RNF152: variants seen among roughly 807,000 people sequenced by gnomAD.
The protein encoded by RNF152 is ring finger protein 152.
A neutral mutation model predicts 12.7 loss-of-function variants in RNF152; 11 were observed. That is an observed-to-expected ratio of 0.86 (90% CI 0.54 to 1.43). The LOEUF is 1.43. RNF152 is among the 40% of genes most tolerant of loss of function. RNF152 has a pLI of 0.00. For missense variants in RNF152, 255 were observed against 274.8 expected, an observed-to-expected ratio of 0.93 and a Z score of 0.51; for synonymous variants, 113 against 120.3, an observed-to-expected ratio of 0.94 and a Z score of 0.40.
intron 1 of RNF152, among the ~76,000 whole-genome samples, chr18:61,844,110 G>GAAAGAAAGAA (rs1555702355): frequency 5.1e-5 from 7 of 137,034 alleles, no homozygotes; most frequent in South Asian, 2.4e-4. Context: ...AAGAAAGAAA[G>GAAAGAAAGAA]AAAGAAAGAA....
chr18:61,816,201 G>C lies in RNF152; in HGVS notation c.263C>G (p.Thr88Ser), dbSNP rs771973482. 1 of 1,614,254 alleles carries C rather than the reference G, an allele frequency of 6.2e-7. No homozygotes were observed. Among genetic ancestry groups the C allele is most frequent in the Non-Finnish European group, 8.5e-7 (1 of 1,180,042 alleles). The change falls in exon 2 of 2, where the codon ACC becomes AGC. Residue 88 changes from threonine (T) to serine (S), a missense_variant. Coordinates refer to ENST00000312828, the MANE Select transcript of RNF152 (RefSeq NM_173557.3). ...VIAIPHTSEHTPVFIKLPSNG... is the reference protein window; with the variant it reads ...VIAIPHTSEHSPVFIKLPSNG... ...GCTGGGAAGTTTGATGAAGACCGGGGTGTGTTCGGAAGTGTGTGGAATGGC... is the reference window on the plus strand; with the variant it reads ...GCTGGGAAGTTTGATGAAGACCGGGCTGTGTTCGGAAGTGTGTGGAATGGC...
intron 1 of RNF152, among the ~76,000 whole-genome samples, chr18:61,863,968 G>C (rs1372723932): frequency 1.3e-5 from 2 of 152,130 alleles, no homozygotes; most frequent in Non-Finnish European, 2.9e-5. Flanking sequence ...TTCTCTTTCT[G>C]AAAAACACCC....
chr18:61,820,156 C>T (rs1333650698), intron 1 of RNF152, among the ~76,000 whole-genome samples: 3 of 150,544 alleles, frequency 2.0e-5, no homozygotes, highest in African/African-American at 7.3e-5. Flanking sequence ...GGTGAAACCC[C>T]GTCTCTACTA....
intron 1 of RNF152, among the ~76,000 whole-genome samples, chr18:61,838,159 C>T (rs2144664347): frequency 1.3e-5 from 2 of 152,316 alleles, no homozygotes; most frequent in South Asian, 4.1e-4. Context: ...TTTCACTCAC[C>T]ATTCTCACCC....
At chr18:61,857,555 G>T (rs1911280215) in intron 1 of RNF152, among the ~76,000 whole-genome samples, 1 of 152,136 alleles carries the variant, frequency 6.6e-6, no homozygotes. Context: ...TGTTGTTATT[G>T]CTATAATTTT....
At chr18:61,866,145 C>A (rs1307691606) in intron 1 of RNF152, among the ~76,000 whole-genome samples, 5 of 152,172 alleles carry the variant, frequency 3.3e-5, no homozygotes, top group Non-Finnish European at 5.9e-5. Flanking sequence ...GGCCCCACCC[C>A]CTGTGGTAAC....
chr18:61,825,788 C>T (rs1275348341), intron 1 of RNF152, among the ~76,000 whole-genome samples: 1 of 152,126 alleles, frequency 6.6e-6, no homozygotes, highest in African/African-American at 2.4e-5. Context: ...TCTACAGGAC[C>T]CCCAAAGGCC....
chr18:61,875,720 C>T (rs1912184666), intron 1 of RNF152, among the ~76,000 whole-genome samples: 1 of 152,164 alleles, frequency 6.6e-6, no homozygotes, highest in Non-Finnish European at 1.5e-5. Context: ...GTATGTCTCA[C>T]CACTCATTCA....
At chr18:61,892,722 C>G (rs1238020421) in intron 1 of RNF152, 73 bp downstream of exon 1, 1 of 152,308 alleles carries the variant, frequency 6.6e-6, no homozygotes, top group Non-Finnish European at 1.5e-5. Context: ...ACCACCCAAA[C>G]AGCCCTGTGC....
At chr18:61,889,646 C>T (rs759489107) in intron 1 of RNF152, among the ~76,000 whole-genome samples, 1 of 152,174 alleles carries the variant, frequency 6.6e-6, no homozygotes, top group African/African-American at 2.4e-5. Flanking sequence ...CCAGAAAAAG[C>T]CTCTTGCCCA....
chr18:61,889,974 T>C (rs149987502), intron 1 of RNF152, among the ~76,000 whole-genome samples: 269 of 152,328 alleles, frequency 1.8e-3, no homozygotes, highest in Non-Finnish European at 3.3e-3. Flanking sequence ...AGAGTAAACA[T>C]GCACTTGAAA....
chr18:61,860,784 T>G (rs1339450016), intron 1 of RNF152, among the ~76,000 whole-genome samples: 3 of 152,236 alleles, frequency 2.0e-5, no homozygotes, highest in South Asian at 2.1e-4. Flanking sequence ...ATGCGTGTAT[T>G]ACCCTGAAGA....
In RNF152 at chr18:61,814,398, G is replaced by T. The variant is rs373230699; in HGVS notation, c.*1454C>A. On this transcript the variant is annotated 3_prime_UTR_variant, in exon 2 of 2. Transcript: ENST00000312828. ...GTGGAGTCCTTGTCACATACCACTT[G>T]CTTCATGAATTCCATAAAAGAAGTT... 1 of 152,146 alleles carries T rather than the reference G, an allele frequency of 6.6e-6. No homozygotes were observed. Among genetic ancestry groups the T allele is most frequent in the African/African-American group, 2.4e-5 (1 of 41,426 alleles). The allele number at this position is 152,146 out of a possible 1,614,324, so 9.4% of individuals were successfully genotyped here.
chr18:61,812,499 C>T lies in RNF152; in HGVS notation c.*3353G>A, dbSNP rs150192990. 2.0e-5 allele frequency: 3 copies of T among 152,262 alleles called. No individual in the cohort carries two copies. The highest frequency in any genetic ancestry group is 7.2e-5 in the African/African-American group (3 of 41,556). The allele number at this position is 152,262 out of a possible 1,614,324, so 9.4% of individuals were successfully genotyped here. A position where few individuals can be genotyped will look rare whatever the true frequency, so the allele number is the denominator to read the frequency against. On this transcript the variant is annotated 3_prime_UTR_variant, in exon 2 of 2. Coordinates refer to ENST00000312828, the MANE Select transcript of RNF152 (RefSeq NM_173557.3). ...ATTAAGTATGACTGGAACCAAAAACCAAGTTGCCTTTTCATCACAACTTAT... is the reference window on the plus strand; with the variant it reads ...ATTAAGTATGACTGGAACCAAAAACTAAGTTGCCTTTTCATCACAACTTAT...
intron 1 of RNF152, among the ~76,000 whole-genome samples, chr18:61,833,029 A>T (rs1288819468): frequency 6.6e-6 from 1 of 152,232 alleles, no homozygotes; most frequent in Non-Finnish European, 1.5e-5. Flanking sequence ...TAATTCAGTC[A>T]CTGTGCCAGT....
intron 1 of RNF152, 60 bp from the exon 2 acceptor site, chr18:61,816,658 A>G: frequency 1.6e-6 from 1 of 611,828 alleles, no homozygotes; most frequent in Non-Finnish European, 2.8e-6. Flanking sequence ...AGATGTCAAC[A>G]TATCTAATGG....
At chr18:61,842,303 T>C (rs184081391) in intron 1 of RNF152, among the ~76,000 whole-genome samples, 2 of 152,254 alleles carry the variant, frequency 1.3e-5, no homozygotes. Flanking sequence ...CTTTGTGGCC[T>C]AGTTTTCTAA....
chr18:61,840,318 C>T (rs564948339), intron 1 of RNF152, among the ~76,000 whole-genome samples: 46 of 152,308 alleles, frequency 3.0e-4, no homozygotes, highest in African/African-American at 1.0e-3. Context: ...CCTGAATGGA[C>T]CACAGTGTCC....
In RNF152 at chr18:61,814,953, G is replaced by A. The variant is rs1908992366; in HGVS notation, c.*899C>T. Reference sequence around the variant, plus strand: ...TCCAAGAAGTGGCCACCGCTTCAGAGACTTGACTCATTCATGCCCAATGAA... The same window carrying A: ...TCCAAGAAGTGGCCACCGCTTCAGAAACTTGACTCATTCATGCCCAATGAA... On this transcript the variant is annotated 3_prime_UTR_variant, in exon 2 of 2. Coordinates refer to ENST00000312828, the MANE Select transcript of RNF152 (RefSeq NM_173557.3). The A allele has an allele frequency of 6.6e-6, 1 of 152,446 alleles. No individual in the cohort carries two copies. Among genetic ancestry groups the A allele is most frequent in the Non-Finnish European group, 1.5e-5 (1 of 68,054 alleles). The allele number at this position is 152,446 out of a possible 1,614,324, so 9.4% of individuals were successfully genotyped here.
Sources: gnomAD v4.1 joint callset for allele counts (sites outside exome capture counted in the v4.1 genomes callset) on GRCh38, gnomAD v4.1.1 for gene constraint, MANE v1.5 for transcripts, NCBI Gene and HGNC (gene_info 2026-07-23, HGNC 2026-07-21) for gene names.